MAP7: variants seen among roughly 807,000 people sequenced by gnomAD.
The protein encoded by MAP7 is ensconsin.
In MAP7, 52 loss-of-function variants were observed where a neutral mutation model predicts 94.8. That is an observed-to-expected ratio of 0.55 (90% confidence interval 0.44 to 0.69). The LOEUF (loss-of-function observed/expected upper bound fraction) is 0.69. Among genes scored for constraint, MAP7 ranks in the 30% least tolerant of loss-of-function variants. The pLI, the probability that MAP7 is intolerant of heterozygous loss-of-function variation, is 0.00. For synonymous variants in MAP7, 350 were observed against 357.0 expected (o/e 0.98, Z 0.22); for missense variants, 940 against 964.6 (o/e 0.97, Z 0.34).
At chr6:136,398,140 T>C (rs1467297497) in intron 3 of MAP7, among the ~76,000 whole-genome samples, 1 of 152,154 alleles carries the variant, frequency 6.6e-6, no homozygotes, top group Non-Finnish European at 1.5e-5. Context: ...AGTGATGCTG[T>C]ACAAAAAGGA....
chr6:136,526,130 T>G (rs1827780080), intron 1 of MAP7: 23 of 1,320,854 alleles, frequency 1.7e-5, no homozygotes, highest in Non-Finnish European at 2.2e-5. Flanking sequence ...TGACAGATAG[T>G]ACCAGCCACT....
chr6:136,414,468 T>A (rs11751156), intron 2 of MAP7, among the ~76,000 whole-genome samples: 2,179 of 151,936 alleles, frequency 0.014, 22 homozygotes, highest in Non-Finnish European at 0.02. Context: ...TTAAGGGCTA[T>A]CCACAGGAAG....
At chr6:136,460,837 A>C (rs565971442) in intron 1 of MAP7, among the ~76,000 whole-genome samples, 2 of 152,180 alleles carry the variant, frequency 1.3e-5, no homozygotes, top group African/African-American at 4.8e-5. Context: ...AACCCACAGA[A>C]CACTTAATTT....
At chr6:136,378,570 A>C (rs1197674634) in intron 6 of MAP7, among the ~76,000 whole-genome samples, 2 of 152,244 alleles carry the variant, frequency 1.3e-5, no homozygotes, top group Non-Finnish European at 2.9e-5. Flanking sequence ...GCAAGATAAA[A>C]TTAAACAGAA....
intron 1 of MAP7, among the ~76,000 whole-genome samples, chr6:136,447,787 C>A (rs1001735658): frequency 6.6e-6 from 1 of 152,260 alleles, no homozygotes; most frequent in African/African-American, 2.4e-5. Context: ...ATGACTTTCA[C>A]ATGACATTGT....
chr6:136,495,431 T>C (rs1817888376), intron 1 of MAP7, among the ~76,000 whole-genome samples: 1 of 150,862 alleles, frequency 6.6e-6, no homozygotes, highest in Non-Finnish European at 1.5e-5. Flanking sequence ...TTTATTTTCA[T>C]GACAAGTGAG....
intron 2 of MAP7, chr6:136,420,270 G>T: frequency 1.1e-6 from 1 of 916,294 alleles, no homozygotes; most frequent in Non-Finnish European, 1.8e-6. Flanking sequence ...CATCGCAGAA[G>T]AGCCGGCCAT....
intron 2 of MAP7, chr6:136,420,380 CA>C: frequency 3.6e-6 from 2 of 562,324 alleles, no homozygotes; most frequent in Non-Finnish European, 6.4e-6. Context: ...CTCAGTGCAG[CA>C]CCAGGAGGCC....
intron 16 of MAP7, among the ~76,000 whole-genome samples, chr6:136,351,233 T>C (rs1378288680): frequency 1.4e-5 from 2 of 141,628 alleles, no homozygotes; most frequent in South Asian, 4.4e-4. Context: ...TGTGTTTTGA[T>C]GGTAAAAAAA....
intron 16 of MAP7, among the ~76,000 whole-genome samples, chr6:136,352,207 T>A (rs1562299487): frequency 6.6e-6 from 1 of 150,492 alleles, no homozygotes; most frequent in East Asian, 1.9e-4. Context: ...TTTTTTTTTT[T>A]AACAGGGTCC....
In MAP7 at chr6:136,389,531, TAA is replaced by T. The variant is rs370613031; in HGVS notation, c.245-16_245-15del. On this transcript the variant is annotated splice_polypyrimidine_tract_variant and intron_variant, in intron 3 of 17. Transcript: ENST00000354570. Reference sequence around the variant, plus strand: ...TTTCTCTTGCAGCTTTGGGGAGGGTTAAAAAAAAAAAAAAAGAGGGAAATCAA... The same window carrying T: ...TTTCTCTTGCAGCTTTGGGGAGGGTTAAAAAAAAAAAAAGAGGGAAATCAA... 58,736 of 1,383,974 alleles carry T rather than the reference TAA, an allele frequency of 0.042. No homozygotes were observed. The highest frequency in any genetic ancestry group is 0.054 in the South Asian group (4,218 of 77,396). The allele number at this position is 1,383,974 out of a possible 1,614,324, so 85.7% of individuals were successfully genotyped here.
intron 1 of MAP7, among the ~76,000 whole-genome samples, chr6:136,546,938 T>C (rs1051832502): frequency 1.3e-5 from 2 of 152,176 alleles, no homozygotes; most frequent in Non-Finnish European, 2.9e-5. Flanking sequence ...CTGAGCACAA[T>C]TGCCTAGTCT....
intron 3 of MAP7, among the ~76,000 whole-genome samples, chr6:136,399,855 A>C (rs2128704175): frequency 6.6e-6 from 1 of 152,360 alleles, no homozygotes; most frequent in South Asian, 2.1e-4. Context: ...GAGTTGTAGA[A>C]TAAAATAATA....
intron 1 of MAP7, among the ~76,000 whole-genome samples, chr6:136,505,510 A>C (rs1463918603): frequency 6.6e-6 from 1 of 151,734 alleles, no homozygotes; most frequent in Non-Finnish European, 1.5e-5. Context: ...ATAAGTTCCA[A>C]TAAAAATATT....
At chr6:136,417,483 A>G (rs1467950265) in intron 2 of MAP7, among the ~76,000 whole-genome samples, 1 of 152,216 alleles carries the variant, frequency 6.6e-6, no homozygotes, top group African/African-American at 2.4e-5. Context: ...CATATGTAAC[A>G]ACTACTGTTT....
chr6:136,537,485 G>A (rs1400721531), intron 1 of MAP7, among the ~76,000 whole-genome samples: 1 of 152,186 alleles, frequency 6.6e-6, no homozygotes, highest in Non-Finnish European at 1.5e-5. Context: ...TACAGTCACT[G>A]CACAAAGCAT....
intron 1 of MAP7, among the ~76,000 whole-genome samples, chr6:136,542,303 A>T (rs73551925): frequency 0.013 from 2,010 of 152,306 alleles, 42 homozygotes; most frequent in African/African-American, 0.043. Flanking sequence ...TGAATTTTAT[A>T]AAAAAGTATA....
intron 1 of MAP7, among the ~76,000 whole-genome samples, chr6:136,463,308 TAAGACTGCATA>T: frequency 6.6e-6 from 1 of 152,338 alleles, no homozygotes; most frequent in African/African-American, 2.4e-5. Flanking sequence ...CTGCTCACAG[TAAGACTGCATA>T]AAGACTGCAT....
In MAP7 at chr6:136,445,929, C is replaced by T. The variant is rs943783421; in HGVS notation, c.68-24130G>A. Among the ~76,000 whole-genome samples, 8 of 152,340 alleles carry T rather than the reference C, an allele frequency of 5.3e-5. No individual in the cohort carries two copies. In the East Asian group the frequency reaches 1.2e-3, roughly 22 times the overall value. ...CACAACACTTACTGTGACCTCTAGTCGCCAAAATGCATGGGGATTTTTCCC... is the reference window on the plus strand; with the variant it reads ...CACAACACTTACTGTGACCTCTAGTTGCCAAAATGCATGGGGATTTTTCCC... On this transcript the variant is annotated intron_variant, in intron 1 of 17. Transcript: ENST00000354570.
Sources: allele counts gnomAD v4.1 joint callset (sites outside exome capture counted in the v4.1 genomes callset), GRCh38; gene constraint gnomAD v4.1.1; transcripts MANE v1.5; gene names NCBI Gene and HGNC (gene_info 2026-07-23, HGNC 2026-07-21).